Variants in FAF1 observed in about 807,000 individuals in gnomAD.
The protein encoded by FAF1 is Fas associated factor 1.
FAF1 carries 25 observed loss-of-function variants against 92.5 expected under a neutral mutation model. That is an observed-to-expected ratio of 0.27 (90% CI 0.20 to 0.38). The LOEUF (loss-of-function observed/expected upper bound fraction) is 0.38. FAF1 is among the 10% of genes least tolerant of loss of function. The probability of loss-of-function intolerance (pLI) is 1.00; values close to 1 mark genes in which losing one functional copy is unlikely to be tolerated. For synonymous variants in FAF1, 234 were observed against 273.2 expected (o/e 0.86, Z 1.42); for missense variants, 636 against 793.3 (o/e 0.80, Z 2.38).
At chr1:50,477,024 A>C (rs1426921506) in intron 17 of FAF1, among the ~76,000 whole-genome samples, 3 of 152,220 alleles carry the variant, frequency 2.0e-5, no homozygotes, top group Non-Finnish European at 4.4e-5. Context: ...ATTTTGACCT[A>C]TGCAAATTAT....
At chr1:50,781,971 GC>G (rs1266457018) in intron 4 of FAF1, among the ~76,000 whole-genome samples, 3 of 152,042 alleles carry the variant, frequency 2.0e-5, no homozygotes, top group Non-Finnish European at 4.4e-5. Flanking sequence ...TGACATCTTA[GC>G]CACTGTAACA....
intron 6 of FAF1, among the ~76,000 whole-genome samples, chr1:50,734,174 T>C (rs922531600): frequency 2.6e-5 from 4 of 152,328 alleles, no homozygotes; most frequent in Non-Finnish European, 5.9e-5. Context: ...GTGCTTCCAA[T>C]ACTTCTCAAG....
At chr1:50,917,905 A>C (rs997408763) in intron 1 of FAF1, among the ~76,000 whole-genome samples, 6 of 152,180 alleles carry the variant, frequency 3.9e-5, no homozygotes, top group Non-Finnish European at 7.3e-5. Context: ...CATACTCAAA[A>C]CAGTGCATGC....
In FAF1 at chr1:50,535,349, A is replaced by G; in HGVS notation, c.1494+20T>C. 3 of 1,498,626 alleles carry G rather than the reference A, an allele frequency of 2.0e-6. No individual in the cohort carries two copies. Among genetic ancestry groups the G allele is most frequent in the Non-Finnish European group, 2.8e-6 (3 of 1,078,084 alleles). The allele number at this position is 1,498,626 out of a possible 1,614,324, so 92.8% of individuals were successfully genotyped here. On this transcript the variant is annotated intron_variant, in intron 15 of 18. Transcript: ENST00000396153. ...ATTAAAATCTCATCAAAATCCTATT[A>G]AAGATCTGCATAACCTTACCTCGTC... is the stretch of plus-strand genomic sequence containing the variant.
At chr1:50,575,505 A>G (rs1650685919) in intron 12 of FAF1, among the ~76,000 whole-genome samples, 1 of 152,106 alleles carries the variant, frequency 6.6e-6, no homozygotes, top group Non-Finnish European at 1.5e-5. Context: ...AATAGTGGTT[A>G]TTTTCAGGTT....
intron 1 of FAF1, among the ~76,000 whole-genome samples, chr1:50,872,815 G>A (rs1006093308): frequency 3.3e-5 from 5 of 151,944 alleles, no homozygotes; most frequent in Non-Finnish European, 7.4e-5. Context: ...CAGGAGAATC[G>A]CTTGAACCTG....
chr1:50,667,286 C>T (rs1195066977), intron 7 of FAF1, among the ~76,000 whole-genome samples: 1 of 152,224 alleles, frequency 6.6e-6, no homozygotes, highest in African/African-American at 2.4e-5. Flanking sequence ...TCCTTCACCC[C>T]TTACATTAGT....
At chr1:50,777,904 C>G (rs181666344) in intron 4 of FAF1, among the ~76,000 whole-genome samples, 7 of 152,244 alleles carry the variant, frequency 4.6e-5, no homozygotes, top group Admixed American at 3.3e-4. Context: ...TTTGCTACAC[C>G]TGCTAACTCT....
At chr1:50,658,517 A>G (rs959869934) in intron 7 of FAF1, among the ~76,000 whole-genome samples, 2 of 152,218 alleles carry the variant, frequency 1.3e-5, no homozygotes, top group Admixed American at 1.3e-4. Context: ...ATTGAATAAC[A>G]TTCCTTTGCT....
At chr1:50,661,912 T>C (rs1245364262) in intron 7 of FAF1, among the ~76,000 whole-genome samples, 1 of 152,188 alleles carries the variant, frequency 6.6e-6, no homozygotes, top group African/African-American at 2.4e-5. Context: ...CATGGATTTG[T>C]TTTACTAAGA....
At chr1:50,851,056 C>A (rs1380991536) in intron 2 of FAF1, among the ~76,000 whole-genome samples, 5 of 150,222 alleles carry the variant, frequency 3.3e-5, no homozygotes, top group Non-Finnish European at 5.9e-5. Flanking sequence ...TTGATATGAA[C>A]AATCCTAAAA....
chr1:50,612,405 T>C, intron 8 of FAF1: 2 of 1,195,890 alleles, frequency 1.7e-6, no homozygotes, highest in Non-Finnish European at 2.1e-6. Flanking sequence ...CTCATTATTT[T>C]AGAGAGCTAC....
At chr1:50,845,147 A>G (rs1299526050) in intron 2 of FAF1, among the ~76,000 whole-genome samples, 10 of 152,178 alleles carry the variant, frequency 6.6e-5, no homozygotes, top group Admixed American at 2.0e-4. Context: ...ATCTCTTTAG[A>G]TATCTCTCTC....
intron 6 of FAF1, among the ~76,000 whole-genome samples, chr1:50,716,784 A>G (rs1658193852): frequency 6.6e-6 from 1 of 152,212 alleles, no homozygotes; most frequent in African/African-American, 2.4e-5. Context: ...TGTAAAATGG[A>G]CCAACCAGCA....
chr1:50,878,631 T>C (rs1227769051), intron 1 of FAF1, among the ~76,000 whole-genome samples: 1 of 152,204 alleles, frequency 6.6e-6, no homozygotes, highest in African/African-American at 2.4e-5. Flanking sequence ...TAAGAAGTTA[T>C]TTATGATGAG....
At chr1:50,867,670 T>TA (rs1644493454) in intron 1 of FAF1, among the ~76,000 whole-genome samples, 1 of 152,134 alleles carries the variant, frequency 6.6e-6, no homozygotes, top group African/African-American at 2.4e-5. Context: ...AATCAAAATC[T>TA]AAAAAAATTA....
At chr1:50,610,929 C>T (rs1652657013) in intron 8 of FAF1, among the ~76,000 whole-genome samples, 1 of 152,176 alleles carries the variant, frequency 6.6e-6, no homozygotes, top group African/African-American at 2.4e-5. Context: ...CCTGTAAAAG[C>T]AGGTTGCATA....
At chr1:50,666,999 G>A (rs902347954) in intron 7 of FAF1, among the ~76,000 whole-genome samples, 2 of 152,226 alleles carry the variant, frequency 1.3e-5, no homozygotes, top group African/African-American at 2.4e-5. Flanking sequence ...GGATAATGCA[G>A]TTACAGTCTG....
At chr1:50,861,030 T>C (rs1187405192) in intron 1 of FAF1, among the ~76,000 whole-genome samples, 1 of 151,722 alleles carries the variant, frequency 6.6e-6, no homozygotes, top group East Asian at 1.9e-4. Flanking sequence ...GAGCTAAACA[T>C]CAGGTACTCA....
Sources: gnomAD v4.1 joint callset for allele counts (sites outside exome capture counted in the v4.1 genomes callset) on GRCh38, gnomAD v4.1.1 for gene constraint, MANE v1.5 for transcripts, NCBI Gene and HGNC (gene_info 2026-07-23, HGNC 2026-07-21) for gene names.